Variants in ARIH2 observed in about 807,000 individuals in gnomAD.
ARIH2 encodes E3 ubiquitin-protein ligase ARIH2.
A neutral mutation model predicts 79.8 loss-of-function variants in ARIH2; 12 were observed. The ratio of observed to expected loss-of-function variants is 0.15; its 90% CI spans 0.10 to 0.24. ARIH2 has a LOEUF of 0.24. ARIH2 is among the 10% of genes least tolerant of loss of function. The pLI is 1.00. For synonymous variants in ARIH2, 224 were observed against 213.9 expected, an observed-to-expected ratio of 1.05 and a Z score of -0.41; for missense variants, 301 against 618.3, an observed-to-expected ratio of 0.49 and a Z score of 5.44.
intron 3 of ARIH2, among the ~76,000 whole-genome samples, chr3:48,950,269 T>TTGTTC (rs747503794): frequency 2.6e-5 from 4 of 152,192 alleles, no homozygotes; most frequent in Non-Finnish European, 5.9e-5. Context: ...AGACTCTGTT[T>TTGTTC]TGTTCTATTG....
At chr3:48,975,597 C>G (rs890175476) in intron 11 of ARIH2, among the ~76,000 whole-genome samples, 3 of 151,692 alleles carry the variant, frequency 2.0e-5, no homozygotes, top group African/African-American at 7.3e-5. Context: ...AGGAGTCTCA[C>G]TCTGTCACCC....
At chr3:48,975,025 G>A (rs374546023) in intron 11 of ARIH2, 46 bp downstream of exon 11, 2 of 1,614,158 alleles carry the variant, frequency 1.2e-6, no homozygotes, top group Non-Finnish European at 1.7e-6. Flanking sequence ...ACTTTCTTGT[G>A]GTTGGGTCTC....
At chr3:48,919,502 C>T (rs769623065) in intron 1 of ARIH2, 61 of 220,486 alleles carry the variant, frequency 2.8e-4, no homozygotes, top group Non-Finnish European at 3.7e-4. Flanking sequence ...GTTGGGCAGC[C>T]GCGTTCTTGG....
At chr3:48,962,005 G>A (rs1024088544) in intron 4 of ARIH2, among the ~76,000 whole-genome samples, 2 of 152,042 alleles carry the variant, frequency 1.3e-5, no homozygotes, top group African/African-American at 4.8e-5. Context: ...TAGGTAACAC[G>A]CGCCAACATC....
Position 48,966,494 on chromosome 3 carries a change from TC to T in ARIH2, c.388-627del, listed in dbSNP as rs2091802124. On this transcript the variant is annotated intron_variant, in intron 5 of 15. Coordinates refer to ENST00000356401, the MANE Select transcript of ARIH2 (RefSeq NM_006321.4). Reference sequence around the variant, plus strand: ...TTGCACACATTCTAGAAGAGTTTCTTCCCCTAGTTGGTGTCTCCACATCCCC... The same window carrying T: ...TTGCACACATTCTAGAAGAGTTTCTTCCCTAGTTGGTGTCTCCACATCCCC... 2.0e-5 allele frequency among the ~76,000 whole-genome samples: 3 copies of T among 148,868 alleles called. No homozygotes were observed. In the South Asian group the frequency reaches 6.3e-4, roughly 31 times the overall value.
chr3:48,958,067 C>T (rs1466250488), intron 3 of ARIH2, among the ~76,000 whole-genome samples: 6 of 152,118 alleles, frequency 3.9e-5, no homozygotes, highest in Non-Finnish European at 5.9e-5. Context: ...AGGTTGGAAA[C>T]AGAGCAGGTC....
chr3:48,932,193 T>TC (rs2086465386), intron 3 of ARIH2, among the ~76,000 whole-genome samples: 1 of 152,102 alleles, frequency 6.6e-6, no homozygotes. Flanking sequence ...GAGAAAATGC[T>TC]TATCTGTTAG....
intron 3 of ARIH2, among the ~76,000 whole-genome samples, chr3:48,960,985 T>C (rs550855925): frequency 4.7e-4 from 71 of 152,286 alleles, no homozygotes; most frequent in African/African-American, 1.5e-3. Flanking sequence ...CAATGCACCT[T>C]CTGAGGTTCT....
rs1455305552 is a variant in ARIH2, at chr3:48,983,589, A to G, written c.*319A>G. On this transcript the variant is annotated 3_prime_UTR_variant, in exon 16 of 16. Transcript: ENST00000356401. ...ATCATTACAACTTATGTAACTTTCAAAGGTTGTACAATTATACAAAAAAAA... is the reference window on the plus strand; with the variant it reads ...ATCATTACAACTTATGTAACTTTCAGAGGTTGTACAATTATACAAAAAAAA... 4 of 260,924 alleles carry G rather than the reference A, an allele frequency of 1.5e-5. No homozygotes were observed. The highest frequency in any genetic ancestry group is 7.2e-5 in the African/African-American group (3 of 41,662). The allele number at this position is 260,924 out of a possible 1,614,324, so 16.2% of individuals were successfully genotyped here. A position where few individuals can be genotyped will look rare whatever the true frequency, so the allele number is the denominator to read the frequency against.
rs543149653 is a variant in ARIH2, at chr3:48,958,612, A to G, written c.256-3000A>G. On this transcript the variant is annotated intron_variant, in intron 3 of 15. Coordinates refer to ENST00000356401, the MANE Select transcript of ARIH2 (RefSeq NM_006321.4). ...GTAATCCCAGCTACTTGGGAGGCTG[A>G]GGCAGAGAATTGCTTGAACCCGGGA... 2.0e-5 allele frequency among the ~76,000 whole-genome samples: 3 copies of G among 152,230 alleles called. No individual in the cohort carries two copies. In the South Asian group the frequency reaches 6.2e-4, roughly 32 times the overall value.
intron 3 of ARIH2, among the ~76,000 whole-genome samples, chr3:48,935,950 T>C (rs1259659189): frequency 6.6e-6 from 1 of 152,162 alleles, no homozygotes; most frequent in Non-Finnish European, 1.5e-5. Flanking sequence ...TACCTTCCCC[T>C]AGAGCCTCTG....
In ARIH2 at chr3:48,983,090, G is replaced by T. The variant is rs967122019; in HGVS notation, c.1411-109G>T. ...TGGTAGCTGCTGCTAAGAATGGGAA[G>T]GGCAGTGTTTTTGACTCCTTGGAGG... is the stretch of plus-strand genomic sequence containing the variant. On this transcript the variant is annotated intron_variant, in intron 15 of 15. Transcript: ENST00000356401. 23 of 1,502,964 alleles carry T rather than the reference G, an allele frequency of 1.5e-5. No individual in the cohort carries two copies. The Middle Eastern group carries it at 5.1e-4, about 33-fold the overall frequency. 93.1% of individuals were successfully genotyped at this position (1,502,964 alleles called of 1,614,324 possible). A position where few individuals can be genotyped will look rare whatever the true frequency, so the allele number is the denominator to read the frequency against.
chr3:48,964,069 C>G (rs1359219472), intron 4 of ARIH2, among the ~76,000 whole-genome samples: 1 of 151,886 alleles, frequency 6.6e-6, no homozygotes, highest in Non-Finnish European at 1.5e-5. Context: ...CTTGCTCTGT[C>G]TCCCAGGCTG....
In ARIH2 at chr3:48,942,572, C is replaced by T. The variant is rs543152308; in HGVS notation, c.255+14759C>T. Among the ~76,000 whole-genome samples the T allele has an allele frequency of 6.6e-5, 10 of 150,818 alleles. No homozygotes were observed. The South Asian group carries it at 8.4e-4, about 13-fold the overall frequency. ...GGCTGGAGTGCAACCTCCGCCTCCC[C>T]GGTTTAAGTGATTCTCCTGCCTCAG... is the stretch of plus-strand genomic sequence containing the variant. On this transcript the variant is annotated intron_variant, in intron 3 of 15. Coordinates refer to ENST00000356401, the MANE Select transcript of ARIH2 (RefSeq NM_006321.4).
rs140090210 is a variant in ARIH2, at chr3:48,924,543, C to T, written c.-98+1732C>T. On this transcript the variant is annotated intron_variant, in intron 2 of 15. Transcript: ENST00000356401. ...ATTTGTTTATTTTTTGTGTGTGTGA[C>T]AGTGTCTCACTCTTGCCCAGGTTGG... is the stretch of plus-strand genomic sequence containing the variant. Among the ~76,000 whole-genome samples, 10 of 151,958 alleles carry T rather than the reference C, an allele frequency of 6.6e-5. 1 individual carries two copies. The East Asian group carries it at 1.8e-3, about 27-fold the overall frequency.
intron 1 of ARIH2, chr3:48,919,403 G>A: frequency 2.6e-6 from 1 of 387,384 alleles, no homozygotes. Context: ...CCAGCTCGCG[G>A]GCTCCGCGTC....
chr3:48,943,040 A>C, intron 3 of ARIH2: 1 of 152,122 alleles, frequency 6.6e-6, no homozygotes, highest in East Asian at 1.9e-4. Flanking sequence ...CGGCCTCCCA[A>C]AGTGCTGGGA....
rs976837360 is a variant in ARIH2 at position 48,924,373 on chromosome 3, A to T, written c.-98+1562A>T. On this transcript the variant is annotated intron_variant, in intron 2 of 15. Transcript: ENST00000356401. ...CTGAATTATTATTATTATTATTATT[A>T]TTTTTGGAGACAGAATCTCTCTGTT... 3.3e-5 allele frequency among the ~76,000 whole-genome samples: 5 copies of T among 151,098 alleles called. No homozygotes were observed. In the South Asian group the frequency reaches 1.0e-3, roughly 32 times the overall value.
chr3:48,937,486 A>G (rs1228682080), intron 3 of ARIH2, among the ~76,000 whole-genome samples: 1 of 152,152 alleles, frequency 6.6e-6, no homozygotes, highest in Non-Finnish European at 1.5e-5. Flanking sequence ...GTGTGCTTAC[A>G]GTGTTTGCCA....
Sources: gnomAD v4.1 joint callset for allele counts (sites outside exome capture counted in the v4.1 genomes callset) on GRCh38, gnomAD v4.1.1 for gene constraint, MANE v1.5 for transcripts, NCBI Gene and HGNC (gene_info 2026-07-23, HGNC 2026-07-21) for gene names.